Variants in FER observed in about 807,000 individuals in gnomAD.
The protein encoded by FER is FER tyrosine kinase.
A neutral mutation model predicts 111.0 loss-of-function variants in FER; 63 were observed. That is an observed-to-expected ratio of 0.57 (90% confidence interval 0.46 to 0.70). The LOEUF is 0.70. Among genes scored for constraint, FER ranks in the 30% least tolerant of loss-of-function variants. The probability of loss-of-function intolerance (pLI) is 0.00; values close to 1 mark genes in which losing one functional copy is unlikely to be tolerated. For synonymous variants in FER, 327 were observed against 313.9 expected (o/e 1.04, Z -0.44); for missense variants, 914 against 954.0 (o/e 0.96, Z 0.55).
chr5:109,169,789 G>C (rs1477209374), intron 17 of FER, among the ~76,000 whole-genome samples: 1 of 152,152 alleles, frequency 6.6e-6, no homozygotes, highest in Non-Finnish European at 1.5e-5. Context: ...GAAAACCAGA[G>C]GTAAATGTGC....
intron 16 of FER, among the ~76,000 whole-genome samples, chr5:109,056,578 T>C (rs1561837078): frequency 6.6e-6 from 1 of 151,654 alleles, no homozygotes; most frequent in Non-Finnish European, 1.5e-5. Flanking sequence ...ACAGAGGAAA[T>C]GGGAAGATGT....
chr5:108,764,250 G>A (rs907483356), intron 1 of FER, among the ~76,000 whole-genome samples: 1 of 152,022 alleles, frequency 6.6e-6, no homozygotes, highest in African/African-American at 2.4e-5. Context: ...TTACTTACAT[G>A]CACATGCAAC....
At chr5:108,782,971 A>G (rs867207250) in intron 2 of FER, among the ~76,000 whole-genome samples, 2 of 152,024 alleles carry the variant, frequency 1.3e-5, no homozygotes, top group Non-Finnish European at 2.9e-5. Context: ...TCATTGATCT[A>G]TTTTCTGTCT....
chr5:108,844,245 C>T lies in FER; in HGVS notation c.481+8438C>T, dbSNP rs116437838. Among the ~76,000 whole-genome samples the T allele has an allele frequency of 6.7e-3, 1,021 of 151,974 alleles. 8 individuals carry two copies. The highest frequency in any genetic ancestry group is 0.014 in the Middle Eastern group (4 of 294). The stretch of plus-strand genomic sequence containing the variant: ...CATCATAACATTTCCTTTTAAATAC[C>T]TAAGCATATATTTTCTAAGAACTGT... On this transcript the variant is annotated intron_variant, in intron 5 of 19. Transcript: ENST00000281092.
At chr5:108,945,229 T>G (rs1756820274) in intron 10 of FER, among the ~76,000 whole-genome samples, 1 of 152,152 alleles carries the variant, frequency 6.6e-6, no homozygotes, top group African/African-American at 2.4e-5. Context: ...GATCTCTTGT[T>G]CTTTTGTCTG....
chr5:109,075,106 A>G (rs1776168926), intron 16 of FER, among the ~76,000 whole-genome samples: 1 of 152,114 alleles, frequency 6.6e-6, no homozygotes, highest in Non-Finnish European at 1.5e-5. Flanking sequence ...CCTTCTGTAC[A>G]CTTCCCCTTG....
At chr5:109,117,915 C>T (rs545877666) in intron 17 of FER, among the ~76,000 whole-genome samples, 123 of 152,022 alleles carry the variant, frequency 8.1e-4, no homozygotes, top group Middle Eastern at 6.8e-3. Context: ...TGGGGTGAGA[C>T]GATGGGGTTT....
intron 17 of FER, among the ~76,000 whole-genome samples, chr5:109,172,141 C>T (rs377636017): frequency 0.012 from 1,794 of 152,062 alleles, 39 homozygotes; most frequent in African/African-American, 0.04. Flanking sequence ...TGGGTATATA[C>T]CCAAAGGACT....
chr5:109,123,722 ATCT>A (rs1486655914), intron 17 of FER, among the ~76,000 whole-genome samples: 2 of 152,154 alleles, frequency 1.3e-5, no homozygotes, highest in African/African-American at 4.8e-5. Flanking sequence ...TATTATTTCT[ATCT>A]TCTTATATTA....
chr5:109,088,085 T>C (rs549904381), intron 16 of FER, among the ~76,000 whole-genome samples: 1 of 150,034 alleles, frequency 6.7e-6, no homozygotes, highest in South Asian at 2.1e-4. Flanking sequence ...TTAATATTTC[T>C]TCAGTTTTAT....
At chr5:108,820,470 G>A (rs1410400459) in intron 3 of FER, 5 of 985,202 alleles carry the variant, frequency 5.1e-6, no homozygotes, top group South Asian at 9.4e-5. Context: ...AGTCCAAGAG[G>A]AATAAAAGCA....
At chr5:108,852,892 C>G (rs1382051093) in intron 5 of FER, among the ~76,000 whole-genome samples, 1 of 152,116 alleles carries the variant, frequency 6.6e-6, no homozygotes, top group Admixed American at 6.5e-5. Flanking sequence ...TCATTAAACA[C>G]TGAAATATAT....
intron 6 of FER, among the ~76,000 whole-genome samples, chr5:108,868,215 T>C (rs982669234): frequency 6.6e-6 from 1 of 152,092 alleles, no homozygotes; most frequent in Non-Finnish European, 1.5e-5. Context: ...GAAAAAATTA[T>C]AAGTTGAAAA....
rs146503006 is a variant in FER at position 108,886,216 on chromosome 5, A to T, written c.1046+2698A>T. 4.8e-3 allele frequency among the ~76,000 whole-genome samples: 724 copies of T among 151,762 alleles called. 5 individuals carry two copies. Among genetic ancestry groups the T allele is most frequent in the Middle Eastern group, 0.02 (6 of 294 alleles). ...TGAATTTTTGCATGTTTTCTTGACA[A>T]ATCTTTGCCTCTCTTTTTATCTACA... On this transcript the variant is annotated intron_variant, in intron 9 of 19. Transcript: ENST00000281092.
intron 8 of FER, among the ~76,000 whole-genome samples, chr5:108,874,990 A>G (rs1021246678): frequency 2.0e-5 from 3 of 150,628 alleles, no homozygotes; most frequent in Admixed American, 6.6e-5. Context: ...AACTGGACAG[A>G]TAACTTATCC....
At chr5:108,924,927 C>A in intron 10 of FER, 3 of 658,874 alleles carry the variant, frequency 4.6e-6, no homozygotes, top group Non-Finnish European at 6.4e-6. Flanking sequence ...TGGTGGTAAA[C>A]AAAATTCTTT....
chr5:108,796,386 A>G (rs1287366742), intron 2 of FER, among the ~76,000 whole-genome samples: 1 of 152,104 alleles, frequency 6.6e-6, no homozygotes, highest in Non-Finnish European at 1.5e-5. Flanking sequence ...ACTCCTGCCT[A>G]TGTTTGCTCA....
At chr5:109,074,028 T>A (rs770261233) in intron 16 of FER, among the ~76,000 whole-genome samples, 2 of 152,162 alleles carry the variant, frequency 1.3e-5, no homozygotes, top group African/African-American at 2.4e-5. Flanking sequence ...CAAAAATGTA[T>A]TTGAAACTTG....
intron 17 of FER, among the ~76,000 whole-genome samples, chr5:109,120,073 C>A (rs1041485618): frequency 1.3e-5 from 2 of 151,900 alleles, no homozygotes; most frequent in Non-Finnish European, 2.9e-5. Context: ...TGTATTATCT[C>A]TTCACTTTAT....
Sources: allele counts gnomAD v4.1 joint callset (sites outside exome capture counted in the v4.1 genomes callset), GRCh38; gene constraint gnomAD v4.1.1; transcripts MANE v1.5; gene names NCBI Gene and HGNC (gene_info 2026-07-23, HGNC 2026-07-21).